Variants in CRIM1 observed in about 807,000 individuals in gnomAD.
CRIM1 encodes cysteine-rich motor neuron 1 protein.
Under a neutral mutation model 116.4 loss-of-function variants are expected in CRIM1, and 32 were observed. That is an observed-to-expected ratio of 0.27 (90% CI 0.21 to 0.37). CRIM1 has a LOEUF of 0.37. CRIM1 is among the 10% of genes least tolerant of loss of function. The pLI, the probability that CRIM1 is intolerant of heterozygous loss-of-function variation, is 1.00. For missense variants in CRIM1, 1,331 were observed against 1,354.8 expected (o/e 0.98, Z 0.28); for synonymous variants, 590 against 509.2 (o/e 1.16, Z -2.13).
intron 8 of CRIM1, among the ~76,000 whole-genome samples, chr2:36,500,831 T>G (rs774935467): frequency 6.6e-6 from 1 of 152,222 alleles, no homozygotes; most frequent in Admixed American, 6.5e-5. Flanking sequence ...ACAAGAAATC[T>G]TGAAAGACAC....
At chr2:36,500,744 G>A (rs1680928572) in intron 8 of CRIM1, among the ~76,000 whole-genome samples, 1 of 152,158 alleles carries the variant, frequency 6.6e-6, no homozygotes, top group African/African-American at 2.4e-5. Flanking sequence ...GCAGAATGAT[G>A]CTGAACATAG....
intron 2 of CRIM1, among the ~76,000 whole-genome samples, chr2:36,413,404 C>T (rs796246029): frequency 2.0e-5 from 3 of 152,260 alleles, no homozygotes; most frequent in African/African-American, 7.2e-5. Context: ...ATAGTTACAA[C>T]AGTAGGGCTT....
chr2:36,427,213 GAAAGA>G (rs1271504169), intron 2 of CRIM1, among the ~76,000 whole-genome samples: 1 of 149,092 alleles, frequency 6.7e-6, no homozygotes, highest in African/African-American at 2.5e-5. Flanking sequence ...AAAAAAAAAA[GAAAGA>G]AAAGAAAAAG....
intron 13 of CRIM1, among the ~76,000 whole-genome samples, chr2:36,529,869 TAAATG>T (rs201813978): frequency 0.015 from 2,264 of 152,190 alleles, 16 homozygotes; most frequent in Middle Eastern, 0.044. Flanking sequence ...CCCTAAGAAA[TAAATG>T]AAATAAAATA....
At chr2:36,440,868 G>C (rs1572736181) in intron 2 of CRIM1, among the ~76,000 whole-genome samples, 1 of 152,166 alleles carries the variant, frequency 6.6e-6, no homozygotes, top group Non-Finnish European at 1.5e-5. Context: ...AAGGTACACT[G>C]TTTTCAAAGA....
chr2:36,537,353 A>G lies in CRIM1; in HGVS notation c.2430A>G (p.Glu810=). Residue 810 remains glutamate (E), a splice_region_variant and synonymous_variant, in exon 14 of 17, where the codon GAA becomes GAG. Transcript: ENST00000280527. Reference sequence around the variant, plus strand: ...ATCATGTGCTGTTCTTTTCACTAGAAGACACAATTCCAAAGAAGGTGGTGT... The same window carrying G: ...ATCATGTGCTGTTCTTTTCACTAGAGGACACAATTCCAAAGAAGGTGGTGT... ...RKGQCCPYCI[E]DTIPKKVVCH... 1 of 1,614,106 alleles carries G rather than the reference A, an allele frequency of 6.2e-7. No individual in the cohort carries two copies. Among genetic ancestry groups the G allele is most frequent in the Non-Finnish European group, 8.5e-7 (1 of 1,179,986 alleles).
intron 2 of CRIM1, among the ~76,000 whole-genome samples, chr2:36,423,381 C>G (rs1168857605): frequency 6.6e-6 from 1 of 152,184 alleles, no homozygotes; most frequent in African/African-American, 2.4e-5. Flanking sequence ...GTTAATTACA[C>G]CTTGAGACAC....
At chr2:36,457,542 A>G (rs1677235952) in intron 4 of CRIM1, among the ~76,000 whole-genome samples, 1 of 152,158 alleles carries the variant, frequency 6.6e-6, no homozygotes, top group Non-Finnish European at 1.5e-5. Flanking sequence ...TGTAAATGCC[A>G]GGAAATCACG....
chr2:36,465,695 G>A (rs1677951630), intron 5 of CRIM1, among the ~76,000 whole-genome samples: 1 of 152,120 alleles, frequency 6.6e-6, no homozygotes, highest in Admixed American at 6.5e-5. Context: ...AAAGAACACA[G>A]ACTAGAATTA....
intron 1 of CRIM1, among the ~76,000 whole-genome samples, chr2:36,392,813 A>G (rs1324110053): frequency 6.6e-6 from 1 of 152,174 alleles, no homozygotes; most frequent in Non-Finnish European, 1.5e-5. Flanking sequence ...GCGGGCAGAG[A>G]ATTGAAAGAG....
intron 2 of CRIM1, among the ~76,000 whole-genome samples, chr2:36,440,628 G>T (rs915493971): frequency 6.6e-6 from 1 of 152,186 alleles, no homozygotes; most frequent in Admixed American, 6.5e-5. Context: ...AGGGGAATAA[G>T]GTGCATTTGA....
chr2:36,379,589 G>A (rs1011122100), intron 1 of CRIM1, among the ~76,000 whole-genome samples: 2 of 152,140 alleles, frequency 1.3e-5, no homozygotes, highest in African/African-American at 2.4e-5. Flanking sequence ...TTAATGAAGG[G>A]TAATATGTAC....
chr2:36,381,829 A>G (rs1015268485), intron 1 of CRIM1, among the ~76,000 whole-genome samples: 4 of 152,150 alleles, frequency 2.6e-5, no homozygotes, highest in Admixed American at 1.3e-4. Context: ...AGTAAAGCAC[A>G]CCCCATTTGG....
intron 15 of CRIM1, 59 bp from the exon 16 acceptor site, chr2:36,546,925 A>C: frequency 9.8e-7 from 1 of 1,022,292 alleles, no homozygotes; most frequent in Non-Finnish European, 1.5e-6. Flanking sequence ...AATGTCATTA[A>C]AATAATCCTT....
At chr2:36,538,645 C>T (rs1385971915) in intron 14 of CRIM1, among the ~76,000 whole-genome samples, 1 of 152,136 alleles carries the variant, frequency 6.6e-6, no homozygotes, top group Non-Finnish European at 1.5e-5. Context: ...CCCAATTGAG[C>T]ATTTCTAAAA....
intron 2 of CRIM1, among the ~76,000 whole-genome samples, chr2:36,429,154 A>G (rs1674679773): frequency 6.6e-6 from 1 of 152,234 alleles, no homozygotes; most frequent in African/African-American, 2.4e-5. Flanking sequence ...CATAACATTT[A>G]TAGAATTAAA....
Position 36,356,151 on chromosome 2 carries a change from C to G in CRIM1, c.-142C>G, listed in dbSNP as rs867064360. On this transcript the variant is annotated 5_prime_UTR_variant, in exon 1 of 17. Coordinates refer to ENST00000280527, the MANE Select transcript of CRIM1 (RefSeq NM_016441.3). The surrounding 1 kb of genome is among the most constrained non-coding windows in gnomAD (Gnocchi z 4.3). Reference sequence around the variant, plus strand: ...GGGGGCCTCGCCCCGCGAGGGGAGGCGCGCCCCGGGGGCCCCGAGAGGGGC... The same window carrying G: ...GGGGGCCTCGCCCCGCGAGGGGAGGGGCGCCCCGGGGGCCCCGAGAGGGGC... 23 of 188,504 alleles carry G rather than the reference C, an allele frequency of 1.2e-4. No individual in the cohort carries two copies. Among genetic ancestry groups the G allele is most frequent in the African/African-American group, 4.8e-4 (20 of 41,804 alleles). The allele number at this position is 188,504 out of a possible 1,614,324, so 11.7% of individuals were successfully genotyped here.
At chr2:36,400,849 A>C (rs1428602816) in intron 2 of CRIM1, among the ~76,000 whole-genome samples, 1 of 152,092 alleles carries the variant, frequency 6.6e-6, no homozygotes, top group African/African-American at 2.4e-5. Flanking sequence ...GAGTGCAGTG[A>C]TGATGGATGA....
intron 7 of CRIM1, among the ~76,000 whole-genome samples, chr2:36,497,565 AT>A (rs1201741316): frequency 3.9e-5 from 6 of 152,194 alleles, no homozygotes. Context: ...AACTTTAGTT[AT>A]TTTTTGATGT....
Sources: gnomAD v4.1 joint callset for allele counts (sites outside exome capture counted in the v4.1 genomes callset) on GRCh38, gnomAD v4.1.1 for gene constraint, Gnocchi (gnomAD v3.1) non-coding constraint, MANE v1.5 for transcripts, NCBI Gene and HGNC (gene_info 2026-07-23, HGNC 2026-07-21) for gene names.